The following ARHGAP42 variants were observed in gnomAD, a reference collection of about 807,000 sequenced individuals.
ARHGAP42 encodes Rho GTPase activating protein 42.
ARHGAP42 carries 63 observed loss-of-function variants against 125.0 expected under a neutral mutation model. The observed-to-expected ratio is 0.50, with a 90% confidence interval of 0.41 to 0.62. ARHGAP42 has a LOEUF of 0.62. Among genes scored for constraint, ARHGAP42 ranks in the 20% least tolerant of loss-of-function variants. ARHGAP42 has a pLI of 0.00. For synonymous variants in ARHGAP42, 339 were observed against 351.0 expected (o/e 0.97, Z 0.38); for missense variants, 766 against 1,024.2 (o/e 0.75, Z 3.44).
chr11:100,906,186 A>T (rs1866731353), intron 4 of ARHGAP42, among the ~76,000 whole-genome samples: 1 of 152,154 alleles, frequency 6.6e-6, no homozygotes, highest in South Asian at 2.1e-4. Context: ...TCCTTGATTT[A>T]TTCCCTTATG....
intron 3 of ARHGAP42, among the ~76,000 whole-genome samples, chr11:100,814,935 G>A (rs773251587): frequency 1.3e-5 from 2 of 152,154 alleles, no homozygotes; most frequent in African/African-American, 2.4e-5. Context: ...TCTTCCATTC[G>A]TCACTTGACT....
At chr11:100,818,504 A>G (rs1292587351) in intron 3 of ARHGAP42, among the ~76,000 whole-genome samples, 1 of 152,196 alleles carries the variant, frequency 6.6e-6, no homozygotes, top group African/African-American at 2.4e-5. Context: ...AGCCTCTGCT[A>G]TCAGCTCTGA....
chr11:100,722,949 G>A (rs988374072), intron 1 of ARHGAP42, among the ~76,000 whole-genome samples: 15 of 152,200 alleles, frequency 9.9e-5, no homozygotes, highest in Admixed American at 5.2e-4. Context: ...CATTTAGATC[G>A]GTGATCCATT....
chr11:100,906,799 T>C (rs1417993699), intron 4 of ARHGAP42, among the ~76,000 whole-genome samples: 1 of 152,228 alleles, frequency 6.6e-6, no homozygotes, highest in Non-Finnish European at 1.5e-5. Context: ...TTTTAAATTT[T>C]TCTACCCAGA....
chr11:100,985,539 C>A (rs1398405145), intron 22 of ARHGAP42, among the ~76,000 whole-genome samples: 1 of 152,150 alleles, frequency 6.6e-6, no homozygotes, highest in African/African-American at 2.4e-5. Context: ...TCACTTCCAA[C>A]CTCTATGCAA....
chr11:100,696,602 G>A (rs1861289599), intron 1 of ARHGAP42, among the ~76,000 whole-genome samples: 2 of 151,972 alleles, frequency 1.3e-5, no homozygotes, highest in Non-Finnish European at 2.9e-5. Flanking sequence ...TGATCCACCC[G>A]CCTCAGCCTC....
rs573217602 is a variant in ARHGAP42 at position 100,775,450 on chromosome 11, C to T, written c.250+5012C>T. ...TATGTATGTAAATACAAAAACAATA[C>T]CCATTGCATCAGTCCTGGAGCACAC... is the stretch of plus-strand genomic sequence containing the variant. On this transcript the variant is annotated intron_variant, in intron 2 of 23. Coordinates refer to ENST00000298815, the MANE Select transcript of ARHGAP42 (RefSeq NM_152432.4). Among the ~76,000 whole-genome samples the T allele has an allele frequency of 3.9e-5, 6 of 152,256 alleles. No individual in the cohort carries two copies. In the South Asian group the frequency reaches 8.3e-4, roughly 21 times the overall value.
intron 4 of ARHGAP42, among the ~76,000 whole-genome samples, chr11:100,891,469 T>A (rs1322338034): frequency 7.0e-6 from 1 of 142,154 alleles, no homozygotes; most frequent in Non-Finnish European, 1.5e-5. Context: ...TGAGATGGAG[T>A]CTTGCTTTTG....
chr11:100,894,439 G>A (rs594062), intron 4 of ARHGAP42, among the ~76,000 whole-genome samples: 70,821 of 151,882 alleles, frequency 0.47, 18,719 homozygotes, highest in African/African-American at 0.7. Flanking sequence ...ATAACAAAAT[G>A]TCAGCATTCA....
At chr11:100,819,223 C>T (rs548429768) in intron 3 of ARHGAP42, among the ~76,000 whole-genome samples, 14 of 152,178 alleles carry the variant, frequency 9.2e-5, no homozygotes, top group African/African-American at 1.7e-4. Context: ...AACGGCTCAT[C>T]GGAGGAGTCC....
rs189852712 is a variant in ARHGAP42, at chr11:100,727,881, C to T, written c.154+40049C>T. Among the ~76,000 whole-genome samples the T allele has an allele frequency of 2.6e-4, 39 of 152,268 alleles. No individual in the cohort carries two copies. The East Asian group carries it at 7.1e-3, about 28-fold the overall frequency. On this transcript the variant is annotated intron_variant, in intron 1 of 23. Coordinates refer to ENST00000298815, the MANE Select transcript of ARHGAP42 (RefSeq NM_152432.4). ...GGGAACCTCTGATTTGTAGCCAAGT[C>T]GGACAGAAGTGTGGATAACCTAAGG...
rs187643497 is a variant in ARHGAP42 at position 100,914,176 on chromosome 11, C to T, written c.486+623C>T. Among the ~76,000 whole-genome samples, 142 of 152,258 alleles carry T rather than the reference C, an allele frequency of 9.3e-4. No individual in the cohort carries two copies. The East Asian group carries it at 0.022, about 24-fold the overall frequency. ...TCTTGAACTCTTCACCTTAAGCGAT[C>T]TGCCTGCCTTAGCCTCTCAAAGTGC... On this transcript the variant is annotated intron_variant, in intron 5 of 23. Transcript: ENST00000298815.
chr11:100,872,662 A>C (rs1017964133), intron 4 of ARHGAP42, among the ~76,000 whole-genome samples: 1 of 152,070 alleles, frequency 6.6e-6, no homozygotes, highest in Non-Finnish European at 1.5e-5. Flanking sequence ...CAAAGTGCTG[A>C]GATTAATGAG....
chr11:100,833,932 A>G (rs147386383), intron 3 of ARHGAP42, among the ~76,000 whole-genome samples: 54 of 152,264 alleles, frequency 3.5e-4, no homozygotes, highest in African/African-American at 1.2e-3. Flanking sequence ...TTTAAATATC[A>G]TTAGGAGGTT....
At chr11:100,903,706 C>CAAAAAAAAAAAA (rs749877720) in intron 4 of ARHGAP42, among the ~76,000 whole-genome samples, 403 of 32,372 alleles carry the variant, frequency 0.012, 4 homozygotes, top group Non-Finnish European at 0.019. Context: ...ACATGTCCCT[C>CAAAAAAAAAAAA]AAAATATATA....
intron 3 of ARHGAP42, among the ~76,000 whole-genome samples, chr11:100,816,182 G>A (rs2135067776): frequency 6.6e-6 from 1 of 152,250 alleles, no homozygotes; most frequent in East Asian, 1.9e-4. Context: ...TAGTATTGTT[G>A]GATCATATGG....
At chr11:100,864,457 C>T (rs925959777) in intron 4 of ARHGAP42, among the ~76,000 whole-genome samples, 7 of 152,150 alleles carry the variant, frequency 4.6e-5, no homozygotes, top group Non-Finnish European at 1.0e-4. Context: ...GCTGGGATTA[C>T]AGTCGTGAGC....
At chr11:100,832,056 G>A (rs1297007331) in intron 3 of ARHGAP42, among the ~76,000 whole-genome samples, 2 of 152,236 alleles carry the variant, frequency 1.3e-5, no homozygotes, top group African/African-American at 2.4e-5. Context: ...CGTGTGTGCT[G>A]GATGATTGGC....
At chr11:100,919,211 A>C (rs1270938539) in intron 5 of ARHGAP42, among the ~76,000 whole-genome samples, 1 of 152,160 alleles carries the variant, frequency 6.6e-6, no homozygotes, top group Admixed American at 6.6e-5. Flanking sequence ...CTAGAGACTT[A>C]TTGGAGGCTG....
Sources: allele counts gnomAD v4.1 joint callset (sites outside exome capture counted in the v4.1 genomes callset), GRCh38; gene constraint gnomAD v4.1.1; transcripts MANE v1.5; gene names NCBI Gene and HGNC (gene_info 2026-07-23, HGNC 2026-07-21).